Variants in TRRAP observed in about 807,000 individuals in gnomAD.
The protein encoded by TRRAP is transformation/transcription domain-associated protein.
Under a neutral mutation model 438.8 loss-of-function variants are expected in TRRAP, and 41 were observed. That is an observed-to-expected ratio of 0.09 (90% CI 0.07 to 0.12). The LOEUF is 0.12. Ranked by LOEUF, TRRAP falls within the 10% of genes least tolerant of loss-of-function variation. The probability of loss-of-function intolerance (pLI) is 1.00; values close to 1 mark genes in which losing one functional copy is unlikely to be tolerated. For missense variants in TRRAP, 3,122 were observed against 5,055.1 expected, an observed-to-expected ratio of 0.62 and a Z score of 11.60; for synonymous variants, 1,994 against 1,962.9, an observed-to-expected ratio of 1.02 and a Z score of -0.42.
chr7:99,012,673 CCTCT>C lies in TRRAP; in HGVS notation c.*319_*322del, dbSNP rs1397929570. 5.2e-6 allele frequency: 2 copies of C among 385,728 alleles called. No individual in the cohort carries two copies. Among genetic ancestry groups the C allele is most frequent in the Non-Finnish European group, 9.4e-6 (2 of 212,522 alleles). 23.9% of individuals were successfully genotyped at this position (385,728 alleles called of 1,614,324 possible). ...TGAGTCCTTTTTTTATGGTGTCCTC[CCTCT>C]GTGAATGTACAGGCGGAACTGTACG... On this transcript the variant is annotated 3_prime_UTR_variant, in exon 73 of 73. Transcript: ENST00000456197. This position sits in a 1 kb window ranked among gnomAD's most constrained non-coding sequence, Gnocchi z 5.9.
rs1795412972 is a variant in TRRAP, at chr7:98,881,249, A to C, written c.99A>C (p.Thr33=). ...QFVAALTDVN[T]PDETKLKMMQ... Reference sequence around the variant, plus strand: ...TGGCAGCTCTCACAGATGTGAATACACGTGAGTTGATCCTTTTTATCATTA... The same window carrying C: ...TGGCAGCTCTCACAGATGTGAATACCCGTGAGTTGATCCTTTTTATCATTA... The change falls in exon 2 of 73, where the codon ACA becomes ACC. Residue 33 remains threonine, a splice_region_variant and synonymous_variant. Transcript: ENST00000456197. The C allele has an allele frequency of 6.3e-7, 1 of 1,597,296 alleles. No homozygotes were observed.
intron 22 of TRRAP, among the ~76,000 whole-genome samples, chr7:98,926,371 T>C (rs562298839): frequency 1.3e-5 from 2 of 150,286 alleles, no homozygotes; most frequent in Admixed American, 1.3e-4. Context: ...AAAGGGAAAA[T>C]CTTAAAAGAT....
At position 98,910,348 on chromosome 7, in the gene TRRAP, G is replaced by T. The variant is rs1554408525; in HGVS notation, c.1643G>T (p.Ser548Ile). ...ACATTCCAAGTCACAGACTGTCGAA[G>T]TTTGGTCAAAACCTTGGTGTGTGGT... ...KQTFQVTDCR[S>I]LVKTLVCGVK... The change falls in exon 15 of 73, where the codon AGT (serine) becomes ATT (isoleucine). Residue 548 changes from serine (S) to isoleucine (I), a missense_variant. This residue lies in a region of TRRAP where 115 missense variants were observed against 124.6 expected (regional missense o/e 0.92). Transcript: ENST00000456197. The T allele has an allele frequency of 6.2e-7, 1 of 1,610,882 alleles. No homozygotes were observed. The highest frequency in any genetic ancestry group is 8.5e-7 in the Non-Finnish European group (1 of 1,179,696).
Position 98,978,887 on chromosome 7 carries a change from A to C in TRRAP, c.8617A>C (p.Lys2873Gln), listed in dbSNP as rs1394599738. 1.9e-6 allele frequency: 3 copies of C among 1,614,088 alleles called. No homozygotes were observed. The highest frequency in any genetic ancestry group is 2.2e-5 in the South Asian group (2 of 91,086). Residue 2873 changes from lysine to glutamine, a missense_variant, in exon 58 of 73, where the codon AAG becomes CAG. Around this residue, in one of 24 missense-constraint regions of TRRAP, gnomAD observed 992 missense variants for 1,281.2 expected, o/e 0.77. Transcript: ENST00000456197. ...GCGGGTGTCCAACTGGACTGCCATG[A>C]AGGAGGCGCTGGTGCAGGTGAGACG... ...AWRVSNWTAM[K>Q]EALVQVEVSC... is the part of the protein sequence containing the mutation.
At chr7:98,975,693 C>G (rs1175153546) in intron 53 of TRRAP, among the ~76,000 whole-genome samples, 1 of 152,228 alleles carries the variant, frequency 6.6e-6, no homozygotes, top group African/African-American at 2.4e-5. Context: ...AGAGACTGAA[C>G]TTTCAGTTCT....
Position 98,992,216 on chromosome 7 carries a change from G to A in TRRAP, c.9836G>A (p.Arg3279His). 1 of 1,614,126 alleles carries A rather than the reference G, an allele frequency of 6.2e-7. No homozygotes were observed. The highest frequency in any genetic ancestry group is 8.5e-7 in the Non-Finnish European group (1 of 1,180,036). ...YLTLKIEQRERYKSDSGQQQP... is the reference protein window; with the variant it reads ...YLTLKIEQREHYKSDSGQQQP... ...ACCCTGAAAATAGAACAGCGGGAACGCTACAAGAGCGGTACGTCTCGGGTG... is the reference window on the plus strand; with the variant it reads ...ACCCTGAAAATAGAACAGCGGGAACACTACAAGAGCGGTACGTCTCGGGTG... Residue 3279 changes from arginine (R) to histidine (H), a missense_variant, in exon 65 of 73, where the codon CGC becomes CAC. Transcript: ENST00000456197.
chr7:98,952,168 A>T (rs1791369604), intron 39 of TRRAP, among the ~76,000 whole-genome samples: 1 of 152,220 alleles, frequency 6.6e-6, no homozygotes, highest in South Asian at 2.1e-4. Context: ...TAGGATACTT[A>T]GTTGAATTGA....
At position 98,910,495 on chromosome 7, in the gene TRRAP, CT is replaced by C. The variant is rs1562937124; in HGVS notation, c.1715-12del. ...GTTTTATTCAAGTTAACTTAATATA[CT>C]TTCTCTTTTCCAGAAGCTCAGTTCA... On this transcript the variant is annotated splice_polypyrimidine_tract_variant and intron_variant, in intron 15 of 72. Transcript: ENST00000456197. 6.2e-7 allele frequency: 1 copy of C among 1,613,896 alleles called. No homozygotes were observed. Among genetic ancestry groups the C allele is most frequent in the Non-Finnish European group, 8.5e-7 (1 of 1,180,008 alleles).
chr7:98,948,442 T>C lies in TRRAP; in HGVS notation c.4668+102T>C. On this transcript the variant is annotated intron_variant, in intron 34 of 72. Transcript: ENST00000456197. This position sits in a 1 kb window ranked among gnomAD's most constrained non-coding sequence, Gnocchi z 4.9. ...CAATGGACGGAACAGCATAAAGACG[T>C]TCGATGTCAACATTTGCTTGTGGGT... is the stretch of plus-strand genomic sequence containing the variant. 1.2e-6 allele frequency: 2 copies of C among 1,609,276 alleles called. No individual in the cohort carries two copies. Among genetic ancestry groups the C allele is most frequent in the South Asian group, 1.1e-5 (1 of 90,884 alleles).
chr7:98,900,813 A>G (rs782319320), intron 11 of TRRAP, 93 bp downstream of exon 11: 3 of 1,000,800 alleles, frequency 3.0e-6, no homozygotes, highest in Non-Finnish European at 2.9e-6. Context: ...GGAATTGACA[A>G]ATATTGGTAA....
intron 67 of TRRAP, among the ~76,000 whole-genome samples, chr7:98,997,461 A>G (rs766713611): frequency 1.4e-5 from 2 of 140,842 alleles, no homozygotes; most frequent in Non-Finnish European, 3.0e-5. Flanking sequence ...GTCCAAAATT[A>G]TCACCCAAAA....
chr7:98,926,280 ATGT>A (rs782547870), intron 22 of TRRAP, among the ~76,000 whole-genome samples: 14 of 152,194 alleles, frequency 9.2e-5, no homozygotes, highest in Non-Finnish European at 1.8e-4. Flanking sequence ...CAGATCCGAG[ATGT>A]TGAGTGAATC....
At chr7:98,957,899 C>T (rs1439040864) in intron 43 of TRRAP, 82 bp from the exon 44 acceptor site, 2 of 1,193,406 alleles carry the variant, frequency 1.7e-6, no homozygotes, top group South Asian at 1.3e-5. Context: ...ACCGCATACC[C>T]ATTAGCTGGG....
At chr7:98,954,654 T>G (rs1791509628) in intron 40 of TRRAP, among the ~76,000 whole-genome samples, 1 of 152,228 alleles carries the variant, frequency 6.6e-6, no homozygotes, top group Non-Finnish European at 1.5e-5. Flanking sequence ...AGAACTGGTC[T>G]TCTCTGTGTT....
chr7:98,934,236 C>T (rs1180320447), intron 27 of TRRAP, among the ~76,000 whole-genome samples: 4 of 152,214 alleles, frequency 2.6e-5, no homozygotes, highest in African/African-American at 7.2e-5. Flanking sequence ...ATCACACTTG[C>T]AGAGGCATTG....
intron 47 of TRRAP, among the ~76,000 whole-genome samples, chr7:98,963,837 T>G (rs1792032733): frequency 6.6e-6 from 1 of 151,912 alleles, no homozygotes; most frequent in Admixed American, 6.6e-5. Flanking sequence ...TCCCAGCACT[T>G]TGGGAGGCTG....
At position 98,886,595 on chromosome 7, in the gene TRRAP, A is replaced by G. The variant is rs118039188; in HGVS notation, c.151-3740A>G. Among the ~76,000 whole-genome samples, 236 of 152,320 alleles carry G rather than the reference A, an allele frequency of 1.5e-3. 3 individuals carry two copies. The East Asian group carries it at 0.039, about 25-fold the overall frequency. On this transcript the variant is annotated intron_variant, in intron 3 of 72. Transcript: ENST00000456197. ...AATGACTTTTGCAATCTGTGTATCAACATTTACCTTAAATGAAATTCAGAT... is the reference window on the plus strand; with the variant it reads ...AATGACTTTTGCAATCTGTGTATCAGCATTTACCTTAAATGAAATTCAGAT...
chr7:98,992,284 C>G, intron 65 of TRRAP, 57 bp downstream of exon 65: 1 of 1,579,492 alleles, frequency 6.3e-7, no homozygotes, highest in Admixed American at 1.7e-5. Flanking sequence ...CCAGGGGGTG[C>G]CCCACATCCA....
Position 98,955,188 on chromosome 7 carries a change from A to C in TRRAP, c.5821A>C (p.Arg1941=). The C allele has an allele frequency of 6.2e-7, 1 of 1,614,218 alleles. No individual in the cohort carries two copies. The highest frequency in any genetic ancestry group is 1.1e-5 in the South Asian group (1 of 91,082). ...CATTCTGACCCCGGCGGTGCCGGCC[A>C]GGATGGAGGACGGGCACCAGATGCT... ...MAILTPAVPA[R]MEDGHQMLTH... The change falls in exon 41 of 73, where the codon AGG becomes CGG. Residue 1941 remains arginine, a synonymous_variant. Transcript: ENST00000456197.
Sources: allele counts gnomAD v4.1 joint callset (sites outside exome capture counted in the v4.1 genomes callset), GRCh38; gene constraint gnomAD v4.1.1; regional missense constraint gnomAD v4.1.1; non-coding constraint Gnocchi (gnomAD v3.1); transcripts MANE v1.5; gene names NCBI Gene and HGNC (gene_info 2026-07-23, HGNC 2026-07-21).